PDE3A: variants seen among roughly 807,000 people sequenced by gnomAD.
The protein encoded by PDE3A is phosphodiesterase 3A.
Under a neutral mutation model 98.3 loss-of-function variants are expected in PDE3A, and 43 were observed. The observed-to-expected ratio is 0.44, with a 90% CI of 0.34 to 0.56. The LOEUF (loss-of-function observed/expected upper bound fraction) is 0.56, where lower values mean the gene tolerates loss of function less well. Ranked by LOEUF, PDE3A falls within the 20% of genes least tolerant of loss-of-function variation. PDE3A has a pLI of 0.01. For missense variants in PDE3A, 1,427 were observed against 1,440.7 expected (o/e 0.99, Z 0.15); for synonymous variants, 663 against 567.9 (o/e 1.17, Z -2.38).
At chr12:20,575,614 C>T (rs75443348) in intron 2 of PDE3A, among the ~76,000 whole-genome samples, 3,426 of 152,054 alleles carry the variant, frequency 0.023, 134 homozygotes, top group African/African-American at 0.079. Context: ...ATAGGTAACA[C>T]ATATTACTCT....
At chr12:20,562,931 A>C (rs867238709) in intron 2 of PDE3A, among the ~76,000 whole-genome samples, 2 of 152,312 alleles carry the variant, frequency 1.3e-5, no homozygotes, top group Admixed American at 6.5e-5. Flanking sequence ...GATGGAAAAA[A>C]AGTGATTAAA....
intron 2 of PDE3A, among the ~76,000 whole-genome samples, chr12:20,595,216 C>T (rs527560865): frequency 6.6e-6 from 1 of 152,176 alleles, no homozygotes; most frequent in African/African-American, 2.4e-5. Context: ...TGGTCTCATC[C>T]TAATGCCGAT....
At chr12:20,582,808 T>C (rs1379821449) in intron 2 of PDE3A, among the ~76,000 whole-genome samples, 3 of 152,182 alleles carry the variant, frequency 2.0e-5, no homozygotes, top group African/African-American at 4.8e-5. Flanking sequence ...GTGGAGTCAA[T>C]TTATGATGGA....
intron 1 of PDE3A, among the ~76,000 whole-genome samples, chr12:20,392,887 C>T (rs1943944429): frequency 6.6e-6 from 1 of 151,958 alleles, no homozygotes; most frequent in African/African-American, 2.4e-5. Flanking sequence ...CAGACAAGTA[C>T]TTCAAGTTCT....
At position 20,552,802 on chromosome 12, in the gene PDE3A, A is replaced by T; in HGVS notation, c.961-3858A>T. On this transcript the variant is annotated intron_variant, in intron 1 of 15. Transcript: ENST00000359062. This position sits in a 1 kb window ranked among gnomAD's most constrained non-coding sequence, Gnocchi z 5.1. ...TAAAGTGGAGGAGACGTTCCAGTGT[A>T]TCTGCTGTCAGGAGCTGGTGTTCCG... The T allele has an allele frequency of 6.2e-7, 1 of 1,614,012 alleles. No individual in the cohort carries two copies. Among genetic ancestry groups the T allele is most frequent in the Non-Finnish European group, 8.5e-7 (1 of 1,179,892 alleles).
intron 1 of PDE3A, among the ~76,000 whole-genome samples, chr12:20,536,926 A>G (rs186311824): frequency 3.3e-5 from 5 of 152,242 alleles, no homozygotes; most frequent in Admixed American, 1.3e-4. Flanking sequence ...TTGCTGGATC[A>G]TATGGTAAAT....
intron 1 of PDE3A, among the ~76,000 whole-genome samples, chr12:20,431,020 A>T (rs546229455): frequency 4.1e-4 from 62 of 152,230 alleles, no homozygotes; most frequent in Non-Finnish European, 5.9e-4. Flanking sequence ...GAAGATTTTT[A>T]AAAAATCTCT....
At chr12:20,489,473 T>G (rs951866407) in intron 1 of PDE3A, among the ~76,000 whole-genome samples, 5 of 152,204 alleles carry the variant, frequency 3.3e-5, no homozygotes, top group African/African-American at 1.2e-4. Context: ...TAAACTATTG[T>G]AGCCATGAAA....
At chr12:20,504,026 T>A (rs947457851) in intron 1 of PDE3A, among the ~76,000 whole-genome samples, 4 of 152,162 alleles carry the variant, frequency 2.6e-5, no homozygotes, top group African/African-American at 9.7e-5. Flanking sequence ...TAAGGAGGAC[T>A]TCACGTTGCA....
intron 1 of PDE3A, among the ~76,000 whole-genome samples, chr12:20,421,541 A>G (rs975334562): frequency 6.6e-6 from 1 of 152,050 alleles, no homozygotes; most frequent in Non-Finnish European, 1.5e-5. Context: ...GGTATAGAAT[A>G]AGCAAATAGC....
intron 15 of PDE3A, among the ~76,000 whole-genome samples, chr12:20,667,768 T>C (rs763707797): frequency 3.9e-5 from 6 of 152,196 alleles, no homozygotes; most frequent in Non-Finnish European, 2.9e-5. Context: ...TTTGGTTCCA[T>C]AGAGATTTTG....
intron 1 of PDE3A, among the ~76,000 whole-genome samples, chr12:20,526,908 G>A (rs1254270793): frequency 6.6e-6 from 1 of 150,818 alleles, no homozygotes; most frequent in Middle Eastern, 3.2e-3. Flanking sequence ...GTGTGTGTGT[G>A]TGTGTGTGTG....
At chr12:20,413,078 T>G (rs1944363266) in intron 1 of PDE3A, among the ~76,000 whole-genome samples, 1 of 152,208 alleles carries the variant, frequency 6.6e-6, no homozygotes, top group African/African-American at 2.4e-5. Flanking sequence ...CCTTTTGGAT[T>G]TTTATAGTTT....
At chr12:20,546,596 A>C (rs1942065878) in intron 1 of PDE3A, among the ~76,000 whole-genome samples, 1 of 152,028 alleles carries the variant, frequency 6.6e-6, no homozygotes, top group Non-Finnish European at 1.5e-5. Context: ...GAATCCAATC[A>C]AACATGCCCA....
intron 12 of PDE3A, among the ~76,000 whole-genome samples, chr12:20,647,544 A>G (rs1244854010): frequency 6.6e-6 from 1 of 152,098 alleles, no homozygotes; most frequent in South Asian, 2.1e-4. Context: ...ACCCATTTAT[A>G]CAATCAAATT....
In PDE3A at chr12:20,650,438, C is replaced by T; in HGVS notation, c.2770-7C>T. 6.3e-7 allele frequency: 1 copy of T among 1,581,458 alleles called. No homozygotes were observed. Among genetic ancestry groups the T allele is most frequent in the Non-Finnish European group, 8.6e-7 (1 of 1,158,470 alleles). On this transcript the variant is annotated splice_polypyrimidine_tract_variant and splice_region_variant and intron_variant, in intron 13 of 15. Transcript: ENST00000359062. ...CAAAACATATATTAACTTTATCTCT[C>T]AAATAGGTAAATGATGATGTTGGAA...
chr12:20,641,858 G>A (rs1944653482), intron 10 of PDE3A, among the ~76,000 whole-genome samples: 1 of 152,000 alleles, frequency 6.6e-6, no homozygotes, highest in African/African-American at 2.4e-5. Flanking sequence ...TGTTCTATTA[G>A]AAGTCCCAGA....
At chr12:20,478,421 A>G (rs1369306762) in intron 1 of PDE3A, among the ~76,000 whole-genome samples, 1 of 152,190 alleles carries the variant, frequency 6.6e-6, no homozygotes, top group Non-Finnish European at 1.5e-5. Context: ...GTCATATTAT[A>G]TAATTAATAA....
intron 2 of PDE3A, among the ~76,000 whole-genome samples, chr12:20,612,341 CTGTT>C (rs1441759148): frequency 7.9e-5 from 12 of 151,388 alleles, no homozygotes; most frequent in African/African-American, 1.7e-4. Flanking sequence ...TAGAAGCTCT[CTGTT>C]TGGATATGTT....
Sources: gnomAD v4.1 joint callset for allele counts (sites outside exome capture counted in the v4.1 genomes callset) on GRCh38, gnomAD v4.1.1 for gene constraint, Gnocchi (gnomAD v3.1) non-coding constraint, MANE v1.5 for transcripts, NCBI Gene and HGNC (gene_info 2026-07-23, HGNC 2026-07-21) for gene names.